DNAH11: variants seen among roughly 807,000 people sequenced by gnomAD.
DNAH11 encodes the protein axonemal beta dynein heavy chain 11.
A neutral mutation model predicts 526.0 loss-of-function variants in DNAH11; 442 were observed. The ratio of observed to expected loss-of-function variants is 0.84; its 90% confidence interval spans 0.78 to 0.91. The LOEUF (loss-of-function observed/expected upper bound fraction) is 0.91, where lower values mean the gene tolerates loss of function less well. Among genes scored for constraint, DNAH11 ranks in the 40% least tolerant of loss-of-function variants. DNAH11 has a pLI of 0.00. For missense variants in DNAH11, 6,989 were observed against 5,448.7 expected, an observed-to-expected ratio of 1.28 and a Z score of -8.90; for synonymous variants, 2,461 against 1,935.9, an observed-to-expected ratio of 1.27 and a Z score of -7.12.
rs1273839207 is a variant in DNAH11 at position 21,606,471 on chromosome 7, G to A, written c.3694G>A (p.Val1232Ile). The A allele has an allele frequency of 1.2e-5, 20 of 1,607,830 alleles. No homozygotes were observed. The highest frequency in any genetic ancestry group is 1.6e-5 in the Non-Finnish European group (19 of 1,178,552). Residue 1232 changes from valine (V) to isoleucine (I), a missense_variant, in exon 19 of 82, where the codon GTC becomes ATC. Coordinates refer to ENST00000409508, the MANE Select transcript of DNAH11 (RefSeq NM_001277115.2). ...WETTKKIAAT[V>I]RHEVSPLHNA... ...AACTACCAAAAAGATCGCAGCAACT[G>A]TCAGACATGAAGTCTCACCTCTCCA...
At chr7:21,826,449 A>T (rs780182930) in intron 65 of DNAH11, among the ~76,000 whole-genome samples, 26 of 152,218 alleles carry the variant, frequency 1.7e-4, no homozygotes, top group African/African-American at 6.3e-4. Context: ...AAATGTTGCT[A>T]TGTATTCATT....
At chr7:21,698,267 T>C in intron 36 of DNAH11, 54 bp downstream of exon 36, 5 of 1,597,742 alleles carry the variant, frequency 3.1e-6, no homozygotes, top group African/African-American at 2.7e-5. Context: ...GAAAAAGCTT[T>C]TGAAGTATGG....
At chr7:21,638,678 C>T (rs981015297) in intron 27 of DNAH11, among the ~76,000 whole-genome samples, 4 of 142,676 alleles carry the variant, frequency 2.8e-5, no homozygotes, top group African/African-American at 1.1e-4. Context: ...TCATATTTAG[C>T]CACAGCTAAT....
chr7:21,609,897 A>G (rs955224696), intron 20 of DNAH11, among the ~76,000 whole-genome samples: 1 of 152,216 alleles, frequency 6.6e-6, no homozygotes, highest in Non-Finnish European at 1.5e-5. Flanking sequence ...GAAGGTCTGC[A>G]GCCTGCAAAG....
At chr7:21,769,758 A>C (rs1166513784) in intron 55 of DNAH11, among the ~76,000 whole-genome samples, 1 of 152,148 alleles carries the variant, frequency 6.6e-6, no homozygotes, top group African/African-American at 2.4e-5. Context: ...GTGCTGGATT[A>C]CAGGCATGAG....
chr7:21,687,438 T>C lies in DNAH11; in HGVS notation c.5835T>C (p.Asp1945=). ...AGACAGGAGCTTGGGGCTGCTTTGA[T>C]GAGTTCAACCGAATCTCTGTGGAAG... The part of the protein sequence containing the change: ...LVQTGAWGCF[D]EFNRISVEVL... Residue 1945 remains aspartate (D), a synonymous_variant, in exon 34 of 82, where the codon GAT becomes GAC. Transcript: ENST00000409508. 6.2e-7 allele frequency: 1 copy of C among 1,613,998 alleles called. No homozygotes were observed. Among genetic ancestry groups the C allele is most frequent in the Non-Finnish European group, 8.5e-7 (1 of 1,179,940 alleles).
At position 21,695,161 on chromosome 7, in the gene DNAH11, A is replaced by G. The variant is rs149576392; in HGVS notation, c.6042-2914A>G. Among the ~76,000 whole-genome samples, 632 of 152,332 alleles carry G rather than the reference A, an allele frequency of 4.1e-3. 7 individuals are homozygous for G. The highest frequency in any genetic ancestry group is 0.014 in the African/African-American group (602 of 41,576). ...AAAAATCAGTATCATGAAAATGGCCATACTGTTCAAAGTAATTCAAAGATT... is the reference window on the plus strand; with the variant it reads ...AAAAATCAGTATCATGAAAATGGCCGTACTGTTCAAAGTAATTCAAAGATT... On this transcript the variant is annotated intron_variant, in intron 35 of 81. Transcript: ENST00000409508.
intron 41 of DNAH11, among the ~76,000 whole-genome samples, chr7:21,711,210 CTGT>C (rs1470740022): frequency 6.6e-6 from 1 of 152,130 alleles, no homozygotes; most frequent in Admixed American, 6.5e-5. Context: ...AACACAGGGT[CTGT>C]TGTTGGGGTC....
At chr7:21,614,701 T>C (rs1425065322) in intron 20 of DNAH11, among the ~76,000 whole-genome samples, 1 of 152,258 alleles carries the variant, frequency 6.6e-6, no homozygotes, top group African/African-American at 2.4e-5. Context: ...AGGGTATTTT[T>C]TAAATCTGAA....
rs370872319 is a variant in DNAH11 at position 21,617,676 on chromosome 7, G to A, written c.4153G>A (p.Gly1385Ser). The A allele has an allele frequency of 6.2e-7, 1 of 1,613,886 alleles. No homozygotes were observed. The highest frequency in any genetic ancestry group is 8.5e-7 in the Non-Finnish European group (1 of 1,179,832). The stretch of plus-strand genomic sequence containing the variant: ...CTGGGATGCTTACACGGGCCTGGAA[G>A]GCACAGTTAAGGACATGACAGCCTC... Reference protein sequence around the residue: ...RVWDAYTGLEGTVKDMTASLR... With the variant: ...RVWDAYTGLESTVKDMTASLR... Residue 1385 changes from glycine (G) to serine (S), a missense_variant, in exon 23 of 82, where the codon GGC becomes AGC. Gly to Ser is a moderately conservative substitution (Grantham distance 56). Coordinates refer to ENST00000409508, the MANE Select transcript of DNAH11 (RefSeq NM_001277115.2).
At chr7:21,545,192 A>T (rs756981509) in intron 2 of DNAH11, 43 bp downstream of exon 2, 3 of 1,485,254 alleles carry the variant, frequency 2.0e-6, no homozygotes, top group East Asian at 5.4e-5. Flanking sequence ...ACTTATCTCC[A>T]TGACATTTGA....
intron 15 of DNAH11, among the ~76,000 whole-genome samples, chr7:21,600,347 A>G (rs986791285): frequency 2.6e-5 from 4 of 151,986 alleles, no homozygotes; most frequent in Non-Finnish European, 5.9e-5. Flanking sequence ...AGTCCCAGCT[A>G]CTCAGGAGGC....
chr7:21,901,308 C>T lies in DNAH11; in HGVS notation c.*54C>T. ...CTGGAGTGCAGTGAGGATTTTCTAGCATGTTGCTGCACTGTTCCCATGCAC... is the reference window on the plus strand; with the variant it reads ...CTGGAGTGCAGTGAGGATTTTCTAGTATGTTGCTGCACTGTTCCCATGCAC... On this transcript the variant is annotated 3_prime_UTR_variant, in exon 82 of 82. Transcript: ENST00000409508. The T allele has an allele frequency of 6.7e-7, 1 of 1,500,908 alleles. No homozygotes were observed. The allele number at this position is 1,500,908 out of a possible 1,614,324, so 93.0% of individuals were successfully genotyped here. A position where few individuals can be genotyped will look rare whatever the true frequency, so the allele number is the denominator to read the frequency against.
chr7:21,824,230 T>A (rs1790179123), intron 65 of DNAH11, among the ~76,000 whole-genome samples: 1 of 152,136 alleles, frequency 6.6e-6, no homozygotes, highest in African/African-American at 2.4e-5. Flanking sequence ...ACATAATATA[T>A]GAAGTTATAA....
At position 21,765,417 on chromosome 7, in the gene DNAH11, T is replaced by C; in HGVS notation, c.8941-11T>C. The C allele has an allele frequency of 1.2e-6, 2 of 1,613,612 alleles. No individual in the cohort carries two copies. Among genetic ancestry groups the C allele is most frequent in the Non-Finnish European group, 1.7e-6 (2 of 1,179,646 alleles). Reference sequence around the variant, plus strand: ...CCCGCCTGTTTCTGCCTTGCCCCCATGTCTCCACAGATCATTTTGTGTTTC... The same window carrying C: ...CCCGCCTGTTTCTGCCTTGCCCCCACGTCTCCACAGATCATTTTGTGTTTC... On this transcript the variant is annotated splice_polypyrimidine_tract_variant and intron_variant, in intron 54 of 81. Coordinates refer to ENST00000409508, the MANE Select transcript of DNAH11 (RefSeq NM_001277115.2).
At chr7:21,665,432 T>C (rs1006061632) in intron 30 of DNAH11, among the ~76,000 whole-genome samples, 15 of 152,278 alleles carry the variant, frequency 9.9e-5, no homozygotes, top group Admixed American at 3.3e-4. Flanking sequence ...AATTTCCAGA[T>C]GTAAAATTGC....
At chr7:21,731,227 T>G (rs1350122001) in intron 45 of DNAH11, among the ~76,000 whole-genome samples, 1 of 152,050 alleles carries the variant, frequency 6.6e-6, no homozygotes, top group Non-Finnish European at 1.5e-5. Context: ...TTTCAAAACA[T>G]CAGGTTATAC....
intron 58 of DNAH11, among the ~76,000 whole-genome samples, chr7:21,785,798 C>G (rs1282856578): frequency 1.3e-5 from 2 of 152,116 alleles, no homozygotes; most frequent in Non-Finnish European, 2.9e-5. Flanking sequence ...TGTTTCCATT[C>G]TTTGTAATCA....
intron 28 of DNAH11, among the ~76,000 whole-genome samples, chr7:21,651,335 A>C (rs969834628): frequency 8.6e-5 from 13 of 151,594 alleles, no homozygotes; most frequent in Non-Finnish European, 1.0e-4. Flanking sequence ...AGCTGCCGTA[A>C]TTTCATCTTT....
Sources: gnomAD v4.1 joint callset for allele counts (sites outside exome capture counted in the v4.1 genomes callset) on GRCh38, gnomAD v4.1.1 for gene constraint, MANE v1.5 for transcripts, NCBI Gene and HGNC (gene_info 2026-07-23, HGNC 2026-07-21) for gene names.